The following TPD52L1 variants were observed in gnomAD, a reference collection of about 807,000 sequenced individuals.
TPD52L1 encodes the protein TPD52 like 1.
In TPD52L1, 18 loss-of-function variants were observed where a neutral mutation model predicts 28.7. That is an observed-to-expected ratio of 0.63 (90% CI 0.43 to 0.93). The LOEUF (loss-of-function observed/expected upper bound fraction) is 0.93, where lower values mean the gene tolerates loss of function less well. Ranked by LOEUF, TPD52L1 falls within the 40% of genes least tolerant of loss-of-function variation. The pLI, the probability that TPD52L1 is intolerant of heterozygous loss-of-function variation, is 0.00. For synonymous variants in TPD52L1, 75 were observed against 88.8 expected (o/e 0.84, Z 0.88); for missense variants, 203 against 254.8 (o/e 0.80, Z 1.39).
chr6:125,170,751 C>T (rs1791245280), intron 1 of TPD52L1, among the ~76,000 whole-genome samples: 1 of 152,094 alleles, frequency 6.6e-6, no homozygotes, highest in African/African-American at 2.4e-5. Context: ...AAAATTCTGA[C>T]CCTTCTTATT....
chr6:125,191,929 T>C lies in TPD52L1; in HGVS notation c.20-28149T>C, dbSNP rs1793070739. On this transcript the variant is annotated intron_variant, in intron 1 of 6. Coordinates refer to ENST00000534000, the MANE Select transcript of TPD52L1 (RefSeq NM_003287.4). Reference sequence around the variant, plus strand: ...TAATAGCATATGGACTTTGCTATTCTAAAGCAGAATCTAAGTAGAATCAAA... The same window carrying C: ...TAATAGCATATGGACTTTGCTATTCCAAAGCAGAATCTAAGTAGAATCAAA... Among the ~76,000 whole-genome samples the C allele has an allele frequency of 2.0e-5, 3 of 152,232 alleles. No individual in the cohort carries two copies. The South Asian group carries it at 6.2e-4, about 32-fold the overall frequency.
At chr6:125,205,171 C>A (rs933061479) in intron 1 of TPD52L1, among the ~76,000 whole-genome samples, 3 of 152,178 alleles carry the variant, frequency 2.0e-5, no homozygotes, top group African/African-American at 7.2e-5. Context: ...GGCTAATCAC[C>A]ATTGTGTAAA....
intron 2 of TPD52L1, 95 bp from the exon 3 acceptor site, chr6:125,229,023 G>A (rs1382109899): frequency 1.5e-6 from 2 of 1,322,472 alleles, no homozygotes; most frequent in African/African-American, 3.0e-5. Context: ...ATAAATAGGA[G>A]GGTCAGAGGC....
chr6:125,172,182 TTTCTTTCTTTC>T lies in TPD52L1; in HGVS notation c.19+18215_19+18225del, dbSNP rs1418001223. ...TTTTCTTTCTTTCTTTCTTTCTTTC[TTTCTTTCTTTC>T]TTTCTTTCTTTCTTCTTTCTTTCTT... On this transcript the variant is annotated intron_variant, in intron 1 of 6. Transcript: ENST00000534000. Among the ~76,000 whole-genome samples, 21 of 130,314 alleles carry T rather than the reference TTTCTTTCTTTC, an allele frequency of 1.6e-4. No homozygotes were observed. The South Asian group carries it at 5.1e-3, about 32-fold the overall frequency. 85.5% of individuals were successfully genotyped at this position (130,314 alleles called of 152,430 possible). A position where few individuals can be genotyped will look rare whatever the true frequency, so the allele number is the denominator to read the frequency against.
chr6:125,195,023 C>T (rs555051291), intron 1 of TPD52L1, among the ~76,000 whole-genome samples: 11 of 152,244 alleles, frequency 7.2e-5, no homozygotes, highest in African/African-American at 2.4e-4. Context: ...GAGTTTTTAG[C>T]AGGATTACAA....
chr6:125,172,152 C>CTTTCTTTCT (rs1791412747), intron 1 of TPD52L1, among the ~76,000 whole-genome samples: 1 of 51,300 alleles, frequency 1.9e-5, no homozygotes, highest in Non-Finnish European at 3.7e-5. Flanking sequence ...TTCTTTCTTT[C>CTTTCTTTCT]TTTCTTTTCT....
At chr6:125,192,912 T>C (rs1475473487) in intron 1 of TPD52L1, among the ~76,000 whole-genome samples, 1 of 152,236 alleles carries the variant, frequency 6.6e-6, no homozygotes, top group Non-Finnish European at 1.5e-5. Flanking sequence ...ATGTCCTCCA[T>C]GGCAAACATT....
At chr6:125,213,204 T>C (rs1163392457) in intron 1 of TPD52L1, among the ~76,000 whole-genome samples, 1 of 152,192 alleles carries the variant, frequency 6.6e-6, no homozygotes, top group Non-Finnish European at 1.5e-5. Context: ...TCCATTCCAA[T>C]GCAATTATTT....
At chr6:125,228,277 C>T (rs1795737193) in intron 2 of TPD52L1, among the ~76,000 whole-genome samples, 1 of 152,090 alleles carries the variant, frequency 6.6e-6, no homozygotes, top group Non-Finnish European at 1.5e-5. Flanking sequence ...TGAATATGTT[C>T]ACTTCCTTGA....
chr6:125,194,136 T>C (rs1204737414), intron 1 of TPD52L1, among the ~76,000 whole-genome samples: 1 of 152,050 alleles, frequency 6.6e-6, no homozygotes, highest in African/African-American at 2.4e-5. Flanking sequence ...TTTTGAGTTT[T>C]TGTTTTTGTT....
intron 1 of TPD52L1, among the ~76,000 whole-genome samples, chr6:125,165,940 TA>T (rs1790874032): frequency 6.6e-6 from 1 of 152,190 alleles, no homozygotes; most frequent in African/African-American, 2.4e-5. Flanking sequence ...CTCAGTATTT[TA>T]AAATAAATAA....
chr6:125,172,078 TTC>T (rs1304872567), intron 1 of TPD52L1, among the ~76,000 whole-genome samples: 8 of 129,678 alleles, frequency 6.2e-5, no homozygotes, highest in South Asian at 2.3e-4. Context: ...CTTTCTTTCT[TTC>T]TCTTTCTTTC....
intron 3 of TPD52L1, among the ~76,000 whole-genome samples, chr6:125,233,539 T>G (rs1462333432): frequency 1.3e-5 from 2 of 152,222 alleles, no homozygotes; most frequent in Non-Finnish European, 2.9e-5. Context: ...AGGCAGGAAG[T>G]AGATTCTTTT....
intron 1 of TPD52L1, among the ~76,000 whole-genome samples, chr6:125,162,891 T>C (rs894993559): frequency 6.6e-6 from 1 of 152,212 alleles, no homozygotes; most frequent in African/African-American, 2.4e-5. Flanking sequence ...TATAATAACA[T>C]CATGAGGTAG....
chr6:125,241,925 T>C (rs1452808355), intron 3 of TPD52L1, among the ~76,000 whole-genome samples: 4 of 152,004 alleles, frequency 2.6e-5, no homozygotes, highest in African/African-American at 4.8e-5. Flanking sequence ...GGTTGTCTAT[T>C]TGGGGTCTTT....
intron 2 of TPD52L1, among the ~76,000 whole-genome samples, chr6:125,224,029 A>G (rs942611703): frequency 6.6e-6 from 1 of 151,866 alleles, no homozygotes; most frequent in Non-Finnish European, 1.5e-5. Context: ...TTATTACCAG[A>G]CACCTTTTCT....
At chr6:125,235,938 A>C (rs1368790521) in intron 3 of TPD52L1, among the ~76,000 whole-genome samples, 1 of 152,168 alleles carries the variant, frequency 6.6e-6, no homozygotes, top group African/African-American at 2.4e-5. Flanking sequence ...GTGGGGGGAA[A>C]ATGTGCATTT....
chr6:125,219,766 G>A (rs1009703849), intron 1 of TPD52L1: 32 of 381,686 alleles, frequency 8.4e-5, no homozygotes, highest in East Asian at 1.9e-4. Flanking sequence ...CTGCCCTTAC[G>A]CCTCATGAGA....
At chr6:125,220,681 AGCTCTAGG>A (rs1222808546) in intron 2 of TPD52L1, among the ~76,000 whole-genome samples, 2 of 152,188 alleles carry the variant, frequency 1.3e-5, no homozygotes, top group Non-Finnish European at 2.9e-5. Context: ...AGAAAAATAA[AGCTCTAGG>A]GGTAGAGAGG....
Sources: gnomAD v4.1 joint callset for allele counts (sites outside exome capture counted in the v4.1 genomes callset) on GRCh38, gnomAD v4.1.1 for gene constraint, MANE v1.5 for transcripts, NCBI Gene and HGNC (gene_info 2026-07-23, HGNC 2026-07-21) for gene names.